CCDC149: variants seen among roughly 807,000 people sequenced by gnomAD.
CCDC149 encodes the protein coiled-coil domain containing 149.
In CCDC149, 45 loss-of-function variants were observed where a neutral mutation model predicts 59.9. The observed-to-expected ratio is 0.75, with a 90% CI of 0.59 to 0.96. The LOEUF is 0.96. Among genes scored for constraint, CCDC149 ranks in the 40% least tolerant of loss-of-function variants. The pLI is 0.00. For synonymous variants in CCDC149, 245 were observed against 260.6 expected (o/e 0.94, Z 0.58); for missense variants, 584 against 664.7 (o/e 0.88, Z 1.33).
In CCDC149 at chr4:24,876,336, CACACAG is replaced by C. The variant is rs1166073962; in HGVS notation, c.225+194_225+199del. ...ACACACACACACACACACACACACACACACAGAGAGAGAGAGAGAGATTAACTTGTG... is the reference window on the plus strand; with the variant it reads ...ACACACACACACACACACACACACACAGAGAGAGAGAGAGATTAACTTGTG... On this transcript the variant is annotated intron_variant, in intron 2 of 12. Coordinates refer to ENST00000635206, the MANE Select transcript of CCDC149 (RefSeq NM_001330643.2). 2.5e-3 allele frequency among the ~76,000 whole-genome samples: 311 copies of C among 122,570 alleles called. 1 individual carries two copies. Among genetic ancestry groups the C allele is most frequent in the African/African-American group, 0.011 (261 of 24,232 alleles). The allele number at this position is 122,570 out of a possible 152,430, so 80.4% of individuals were successfully genotyped here. A position where few individuals can be genotyped will look rare whatever the true frequency, so the allele number is the denominator to read the frequency against.
intron 12 of CCDC149, among the ~76,000 whole-genome samples, chr4:24,813,501 T>TATATATATATATATAC (rs1553846372): frequency 0.019 from 807 of 42,062 alleles, 13 homozygotes; most frequent in African/African-American, 0.053. Context: ...TATATATATA[T>TATATATATATATATAC]ATATATATAT....
chr4:24,907,927 C>A (rs1184945942), intron 1 of CCDC149, among the ~76,000 whole-genome samples: 1 of 152,162 alleles, frequency 6.6e-6, no homozygotes, highest in African/African-American at 2.4e-5. Context: ...CTGCATGACT[C>A]CAGTTTCTGC....
At chr4:24,934,262 A>C (rs533250106) in intron 1 of CCDC149, among the ~76,000 whole-genome samples, 1 of 152,234 alleles carries the variant, frequency 6.6e-6, no homozygotes, top group Admixed American at 6.5e-5. Flanking sequence ...TACTGTTCTC[A>C]TGGTAGTGAA....
chr4:24,860,271 G>C (rs1483491314), intron 3 of CCDC149, among the ~76,000 whole-genome samples: 2 of 152,152 alleles, frequency 1.3e-5, no homozygotes, highest in African/African-American at 2.4e-5. Context: ...GCAGAATAGA[G>C]AAGCCAGAAA....
At chr4:24,819,544 C>T (rs1715231143) in intron 12 of CCDC149, among the ~76,000 whole-genome samples, 1 of 152,146 alleles carries the variant, frequency 6.6e-6, no homozygotes, top group Non-Finnish European at 1.5e-5. Context: ...TGGTCTTGAA[C>T]TCCTGAGCTC....
rs185428892 is a variant in CCDC149 at position 24,945,561 on chromosome 4, T to G, written c.-65+34508A>C. On this transcript the variant is annotated intron_variant, in intron 1 of 12. Coordinates refer to the CCDC149 transcript ENST00000389609. ...TTCAGGCGTCTGGACTCCAGAACTG[T>G]GAGAACGTAAATGTCTGTTGTTTTA... 3.0e-4 allele frequency among the ~76,000 whole-genome samples: 46 copies of G among 152,054 alleles called. No homozygotes were observed. In the East Asian group the frequency reaches 8.3e-3, roughly 27 times the overall value.
intron 2 of CCDC149, 143 bp from the exon 3 acceptor site, chr4:24,873,862 C>T: frequency 1.6e-6 from 1 of 613,354 alleles, no homozygotes; most frequent in Admixed American, 3.2e-5. Flanking sequence ...GAAGCAAGCT[C>T]AAATATACTT....
Position 24,893,259 on chromosome 4 carries a change from G to T in CCDC149, c.64-16562C>A, listed in dbSNP as rs569970609. Among the ~76,000 whole-genome samples the T allele has an allele frequency of 4.9e-4, 75 of 152,260 alleles. No homozygotes were observed. In the South Asian group the frequency reaches 9.3e-3, roughly 19 times the overall value. ...GAACCAGAAAAATGAAAGGTGGCTA[G>T]GTCTCTAACAGATTGTAAGCCAGCA... On this transcript the variant is annotated intron_variant, in intron 1 of 12. Transcript: ENST00000635206.
Position 24,808,439 on chromosome 4 carries a change from C to T in CCDC149, c.1573G>A (p.Gly525Ser), listed in dbSNP as rs1487712274. Residue 525 changes from glycine (G) to serine (S), a missense_variant, in exon 13 of 13, where the codon GGC (glycine) becomes AGC (serine). Gly to Ser is a moderately conservative substitution (Grantham distance 56). Coordinates refer to ENST00000635206, the MANE Select transcript of CCDC149 (RefSeq NM_001330643.2). ...CCTCCGCCCTCTGGGATCCCTTTGC[C>T]GTCTTCCGGTGTGGAAGCTTTGGCT... 23 of 1,461,198 alleles carry T rather than the reference C, an allele frequency of 1.6e-5. No homozygotes were observed. Among genetic ancestry groups the T allele is most frequent in the East Asian group, 9.9e-5 (4 of 40,220 alleles). The allele number at this position is 1,461,198 out of a possible 1,614,324, so 90.5% of individuals were successfully genotyped here. A position where few individuals can be genotyped will look rare whatever the true frequency, so the allele number is the denominator to read the frequency against.
At chr4:24,890,988 C>T (rs59154705) in intron 1 of CCDC149, among the ~76,000 whole-genome samples, 19,420 of 152,262 alleles carry the variant, frequency 0.13, 1,467 homozygotes, top group African/African-American at 0.21. Flanking sequence ...CCCTGAATTT[C>T]CGCCTGCAGC....
chr4:24,919,710 T>A (rs1722229060), intron 1 of CCDC149, among the ~76,000 whole-genome samples: 1 of 152,274 alleles, frequency 6.6e-6, no homozygotes, highest in African/African-American at 2.4e-5. Flanking sequence ...GAGCAGTGGG[T>A]TGGAACAGCA....
At chr4:24,923,791 G>A (rs1409893865) in intron 1 of CCDC149, among the ~76,000 whole-genome samples, 1 of 152,184 alleles carries the variant, frequency 6.6e-6, no homozygotes. Flanking sequence ...TAGGATTAAA[G>A]CTAAGCTTCA....
chr4:24,893,560 T>G (rs1158423524), intron 1 of CCDC149, among the ~76,000 whole-genome samples: 2 of 150,618 alleles, frequency 1.3e-5, no homozygotes, highest in Non-Finnish European at 2.9e-5. Context: ...CATTATGTAG[T>G]TAGGGTTTTA....
chr4:24,935,969 G>A (rs1722728814), intron 1 of CCDC149, among the ~76,000 whole-genome samples: 1 of 152,194 alleles, frequency 6.6e-6, no homozygotes, highest in South Asian at 2.1e-4. Context: ...GTAAGCAGAA[G>A]TAACAAGAAA....
chr4:24,908,062 G>A (rs1287668135), intron 1 of CCDC149, among the ~76,000 whole-genome samples: 1 of 152,122 alleles, frequency 6.6e-6, no homozygotes, highest in Non-Finnish European at 1.5e-5. Context: ...CACCCAAGAT[G>A]ACCTCATCAT....
chr4:24,916,724 C>T (rs971894730), upstream of CCDC149, among the ~76,000 whole-genome samples: 1 of 151,536 alleles, frequency 6.6e-6, no homozygotes, highest in African/African-American at 2.4e-5. Context: ...TGACTTTTCT[C>T]CTGCCTCAAT....
At chr4:24,942,129 T>C (rs1229788828) in intron 1 of CCDC149, among the ~76,000 whole-genome samples, 3 of 152,014 alleles carry the variant, frequency 2.0e-5, no homozygotes, top group African/African-American at 7.2e-5. Context: ...TTGATGAACA[T>C]TGATGCAAAA....
rs5856868 is a variant in CCDC149 at position 24,874,244 on chromosome 4, G to GTTTTTTTTTTTTTTTTTTT, written c.226-526_226-525insAAAAAAAAAAAAAAAAAAA. Among the ~76,000 whole-genome samples the GTTTTTTTTTTTTTTTTTTT allele has an allele frequency of 5.0e-4, 44 of 87,482 alleles. 6 individuals carry two copies. Among genetic ancestry groups the GTTTTTTTTTTTTTTTTTTT allele is most frequent in the African/African-American group, 2.3e-3 (40 of 17,170 alleles). The allele number at this position is 87,482 out of a possible 152,430, so 57.4% of individuals were successfully genotyped here. ...GAGAACTTCTAGTCCTATTAGATTT[G>GTTTTTTTTTTTTTTTTTTT]TTTTTTTTTTTTTTTGTTTTGTTTT... On this transcript the variant is annotated intron_variant, in intron 2 of 12. Transcript: ENST00000635206.
Position 24,852,934 on chromosome 4 carries a change from C to A in CCDC149, c.372+138G>T, listed in dbSNP as rs143382133. The A allele has an allele frequency of 1.9e-5, 12 of 634,084 alleles. No homozygotes were observed. In the South Asian group the frequency reaches 2.4e-4, roughly 13 times the overall value. 39.3% of individuals were successfully genotyped at this position (634,084 alleles called of 1,614,324 possible). ...TAAAAAGGTAAGATACGCTAAACTGCGAATTTTCATTATAAATTTAAAAAT... is the reference window on the plus strand; with the variant it reads ...TAAAAAGGTAAGATACGCTAAACTGAGAATTTTCATTATAAATTTAAAAAT... On this transcript the variant is annotated intron_variant, in intron 4 of 12. Coordinates refer to ENST00000635206, the MANE Select transcript of CCDC149 (RefSeq NM_001330643.2).
Sources: allele counts gnomAD v4.1 joint callset (sites outside exome capture counted in the v4.1 genomes callset), GRCh38; gene constraint gnomAD v4.1.1; transcripts MANE v1.5; gene names NCBI Gene and HGNC (gene_info 2026-07-23, HGNC 2026-07-21).